The following TRAPPC14 variants were observed in gnomAD, a reference collection of about 807,000 sequenced individuals.
TRAPPC14 encodes microtubule associated protein 11.
TRAPPC14 carries 24 observed loss-of-function variants against 56.6 expected under a neutral mutation model. That is an observed-to-expected ratio of 0.42 (90% CI 0.31 to 0.60). TRAPPC14 has a LOEUF of 0.60. TRAPPC14 is among the 20% of genes least tolerant of loss of function. The probability of loss-of-function intolerance (pLI) is 0.14; values close to 1 mark genes in which losing one functional copy is unlikely to be tolerated. For missense variants in TRAPPC14, 615 were observed against 790.3 expected (o/e 0.78, Z 2.66); for synonymous variants, 377 against 347.0 (o/e 1.09, Z -0.96).
rs373416018 is a variant in TRAPPC14 at position 100,155,388 on chromosome 7, C to G, written c.1463G>C (p.Arg488Pro). 3 of 1,547,662 alleles carry G rather than the reference C, an allele frequency of 1.9e-6. No individual in the cohort carries two copies. Among genetic ancestry groups the G allele is most frequent in the Admixed American group, 2.0e-5 (1 of 50,574 alleles). ...GGGGCTGCTCTTGCGGGAGAGGGGC[C>G]GGGCCTCGGGTGGAGGGTGGGACAC... ...ASVSHPPPEA[R>P]PLSRKSSPSS... Residue 488 changes from arginine to proline, a missense_variant, in exon 10 of 11, where the codon CGG becomes CCG. Arg to Pro is a moderately radical substitution (Grantham distance 103). Coordinates refer to ENST00000316937, the MANE Select transcript of TRAPPC14 (RefSeq NM_018275.5).
chr7:100,157,682 T>C lies in TRAPPC14; in HGVS notation c.588A>G (p.Arg196=), dbSNP rs543058510. 6.8e-6 allele frequency: 11 copies of C among 1,614,204 alleles called. No homozygotes were observed. The South Asian group carries it at 1.2e-4, about 18-fold the overall frequency. Residue 196 remains arginine, a synonymous_variant, in exon 3 of 11, where the codon CGA becomes CGG. Transcript: ENST00000316937. ...CGCCCCGGAATGTCTCCCCAGGAGA[T>C]CGGGTCTGCAGCAATCGCAGGTAGC... The part of the protein sequence containing the change: ...DQGYLRLLQT[R]SPGETFRGEQ...
In TRAPPC14 at chr7:100,154,983, T is replaced by C. The variant is rs773544892; in HGVS notation, c.*28A>G. The C allele has an allele frequency of 1.9e-6, 3 of 1,612,154 alleles. No individual in the cohort carries two copies. Among genetic ancestry groups the C allele is most frequent in the Admixed American group, 3.3e-5 (2 of 59,914 alleles). ...CTCTGGGGGCGTTGGGTCTCTGGAG[T>C]GTAAGAGGGAACAGAGCTGGCACGG... On this transcript the variant is annotated 3_prime_UTR_variant, in exon 11 of 11. Coordinates refer to ENST00000316937, the MANE Select transcript of TRAPPC14 (RefSeq NM_018275.5).
Position 100,158,375 on chromosome 7 carries a change from TC to T in TRAPPC14, c.124del (p.Glu42ArgfsTer130), listed in dbSNP as rs1310552302. ...CAACACCAGCAGAAAACGGACAGTC[TC>T]CCCCAAGTACAGATGGTTGCGCCGG... The part of the protein sequence containing the change: ...LPRRNHLYLG[E>X]TVRFLLVLRC... On this transcript the variant is annotated frameshift_variant, in exon 1 of 11. Coordinates refer to ENST00000316937, the MANE Select transcript of TRAPPC14 (RefSeq NM_018275.5). LOFTEE classifies it high-confidence loss of function. The T allele has an allele frequency of 6.7e-7, 1 of 1,491,098 alleles. No homozygotes were observed. Among genetic ancestry groups the T allele is most frequent in the Middle Eastern group, 1.7e-4 (1 of 5,832 alleles). The allele number at this position is 1,491,098 out of a possible 1,614,324, so 92.4% of individuals were successfully genotyped here. A position where few individuals can be genotyped will look rare whatever the true frequency, so the allele number is the denominator to read the frequency against.
rs1798858143 is a variant in TRAPPC14 at position 100,155,447 on chromosome 7, C to T, written c.1404G>A (p.Gln468=). 1 of 1,519,166 alleles carries T rather than the reference C, an allele frequency of 6.6e-7. No homozygotes were observed. Among genetic ancestry groups the T allele is most frequent in the Admixed American group, 2.1e-5 (1 of 47,030 alleles). The allele number at this position is 1,519,166 out of a possible 1,614,324, so 94.1% of individuals were successfully genotyped here. ...ALRTGLFELS[Q]HMKLKLQFTA... is the part of the protein sequence containing the mutation. ...TGAACTGCAGCTTCAGTTTCATGTG[C>T]TGGCTTAGCTGGGGGGAGACACAGG... is the stretch of plus-strand genomic sequence containing the variant. Residue 468 remains glutamine, a synonymous_variant, in exon 10 of 11, where the codon CAG becomes CAA. Transcript: ENST00000316937.
chr7:100,157,611 G>GCC (rs1484237500), intron 3 of TRAPPC14, 22 bp downstream of exon 3: 17 of 1,613,464 alleles, frequency 1.1e-5, no homozygotes, highest in Non-Finnish European at 1.4e-5. Context: ...CTAGCCCTTT[G>GCC]CCTCTGCGCT....
rs764017345 is a variant in TRAPPC14, at chr7:100,155,014, C to A, written c.1740G>T (p.Lys580Asn). ...ECKVLVVEPV[K>N] ...AGGGAACAGAGCTGGCACGGTGCTA[C>A]TTGACGGGTTCCACCACCAGGACCT... Residue 580 changes from lysine to asparagine, a missense_variant, in exon 11 of 11, where the codon AAG (lysine) becomes AAT (asparagine). Lys to Asn is a moderately conservative substitution (Grantham distance 94, BLOSUM62 0). Coordinates refer to ENST00000316937, the MANE Select transcript of TRAPPC14 (RefSeq NM_018275.5). 1.2e-6 allele frequency: 2 copies of A among 1,614,012 alleles called. No individual in the cohort carries two copies. Among genetic ancestry groups the A allele is most frequent in the Non-Finnish European group, 1.7e-6 (2 of 1,179,988 alleles).
chr7:100,156,185 T>C, intron 8 of TRAPPC14: 1 of 615,846 alleles, frequency 1.6e-6, no homozygotes, highest in Non-Finnish European at 2.9e-6. Context: ...TGAAAGTCAC[T>C]CTGCCCCACT....
At position 100,155,702 on chromosome 7, in the gene TRAPPC14, G is replaced by C. The variant is rs763400660; in HGVS notation, c.1364C>G (p.Ala455Gly). 5.0e-6 allele frequency: 8 copies of C among 1,612,222 alleles called. No individual in the cohort carries two copies. In the Admixed American group the frequency reaches 5.0e-5, roughly 10 times the overall value. Reference protein sequence around the residue: ...RKGSALTFSVAFQALRTGLFE... With the variant: ...RKGSALTFSVGFQALRTGLFE... ...GAGCCCCGTCCTCAGAGCCTGGAAG[G>C]CCACACTGAAGGTGAGCGCGCTGCC... is the stretch of plus-strand genomic sequence containing the variant. The change falls in exon 9 of 11, where the codon GCC becomes GGC. Residue 455 changes from alanine (A) to glycine (G), a missense_variant. Ala to Gly is a moderately conservative substitution (Grantham distance 60, BLOSUM62 0). Coordinates refer to ENST00000316937, the MANE Select transcript of TRAPPC14 (RefSeq NM_018275.5).
Position 100,154,751 on chromosome 7 carries a change from A to C in TRAPPC14, c.*260T>G, listed in dbSNP as rs1295966497. 1 of 552,428 alleles carries C rather than the reference A, an allele frequency of 1.8e-6. No homozygotes were observed. The highest frequency in any genetic ancestry group is 3.2e-5 in the East Asian group (1 of 31,168). 34.2% of individuals were successfully genotyped at this position (552,428 alleles called of 1,614,324 possible). On this transcript the variant is annotated 3_prime_UTR_variant, in exon 11 of 11. Transcript: ENST00000316937. Reference sequence around the variant, plus strand: ...GGGCCGGGGACAAGGGAGCTCTGGGAACCCTTGCCCTGGCCTAGGGGTGGG... The same window carrying C: ...GGGCCGGGGACAAGGGAGCTCTGGGCACCCTTGCCCTGGCCTAGGGGTGGG...
Position 100,157,624 on chromosome 7 carries a change from C to T in TRAPPC14, c.637+9G>A, listed in dbSNP as rs373516572. 1.9e-6 allele frequency: 3 copies of T among 1,614,086 alleles called. No individual in the cohort carries two copies. The highest frequency in any genetic ancestry group is 1.1e-5 in the South Asian group (1 of 91,086). The stretch of plus-strand genomic sequence containing the variant: ...CTCTAGCCCTTTGCCTCTGCGCTGC[C>T]CTGCCCACCTTGGGCCTTGAAAGCG... On this transcript the variant is annotated intron_variant, in intron 3 of 10. Transcript: ENST00000316937.
intron 7 of TRAPPC14, 41 bp from the exon 8 acceptor site, chr7:100,156,590 G>A: frequency 6.2e-7 from 1 of 1,612,158 alleles, no homozygotes; most frequent in Non-Finnish European, 8.5e-7. Flanking sequence ...TGTGTGTCAG[G>A]CCACAAAGGC....
chr7:100,154,904 C>T lies in TRAPPC14; in HGVS notation c.*107G>A, dbSNP rs1798841136. The T allele has an allele frequency of 9.8e-6, 11 of 1,122,640 alleles. No homozygotes were observed. In the Admixed American group the frequency reaches 1.3e-4, roughly 13 times the overall value. 69.5% of individuals were successfully genotyped at this position (1,122,640 alleles called of 1,614,324 possible). A position where few individuals can be genotyped will look rare whatever the true frequency, so the allele number is the denominator to read the frequency against. ...GACAGGCAGCTCTGCCAGGCCTCTT[C>T]ACCCCCGTCTGGGAGGCATCCCAGG... On this transcript the variant is annotated 3_prime_UTR_variant, in exon 11 of 11. Transcript: ENST00000316937.
In TRAPPC14 at chr7:100,154,830, G is replaced by A. The variant is rs1415767721; in HGVS notation, c.*181C>T. The A allele has an allele frequency of 3.1e-6, 2 of 642,594 alleles. No homozygotes were observed. The highest frequency in any genetic ancestry group is 1.8e-5 in the African/African-American group (1 of 54,782). 39.8% of individuals were successfully genotyped at this position (642,594 alleles called of 1,614,324 possible). On this transcript the variant is annotated 3_prime_UTR_variant, in exon 11 of 11. Transcript: ENST00000316937. ...ATACTGGTGGCTTAGTCCCAGCCATGCCCGCCCACTTCACAGCTTCTTCCC... is the reference window on the plus strand; with the variant it reads ...ATACTGGTGGCTTAGTCCCAGCCATACCCGCCCACTTCACAGCTTCTTCCC...
At chr7:100,156,228 G>A (rs1471351625) in intron 8 of TRAPPC14, 158 bp downstream of exon 8, 1 of 685,792 alleles carries the variant, frequency 1.5e-6, no homozygotes, top group South Asian at 1.8e-5. Context: ...GGACACTGGG[G>A]AGACCACCCA....
At position 100,158,109 on chromosome 7, in the gene TRAPPC14, T is replaced by A; in HGVS notation, c.391A>T (p.Thr131Ser). 6.7e-7 allele frequency: 1 copy of A among 1,495,336 alleles called. No individual in the cohort carries two copies. The highest frequency in any genetic ancestry group is 8.9e-7 in the Non-Finnish European group (1 of 1,125,126). The allele number at this position is 1,495,336 out of a possible 1,614,324, so 92.6% of individuals were successfully genotyped here. ...PLLTHGPGPA[T>S]SGGATTLPVE... The stretch of plus-strand genomic sequence containing the variant: ...CTCACCGTGGTCGCTCCCCCTGAGG[T>A]AGCAGGGCCCGGGCCGTGGGTGAGA... The change falls in exon 1 of 11, where the codon ACC (threonine) becomes TCC (serine). Residue 131 changes from threonine (T) to serine (S), a missense_variant. Thr to Ser is a moderately conservative substitution (Grantham distance 58, BLOSUM62 1). Coordinates refer to ENST00000316937, the MANE Select transcript of TRAPPC14 (RefSeq NM_018275.5).
chr7:100,156,991 G>A lies in TRAPPC14; in HGVS notation c.847C>T (p.His283Tyr). 2 of 1,614,004 alleles carry A rather than the reference G, an allele frequency of 1.2e-6. No individual in the cohort carries two copies. Among genetic ancestry groups the A allele is most frequent in the South Asian group, 1.1e-5 (1 of 91,076 alleles). Residue 283 changes from histidine to tyrosine, a missense_variant and splice_region_variant, in exon 6 of 11, where the codon CAC becomes TAC. Physicochemically the swap from His to Tyr is moderately conservative, Grantham distance 83 (BLOSUM62 2). Coordinates refer to ENST00000316937, the MANE Select transcript of TRAPPC14 (RefSeq NM_018275.5). ...GSVLLVDNVC[H>Y]QSGEVSMGSF... ...CCCATGGAGACTTCCCCAGACTGGT[G>A]ACTAGCTCAGAAAAGAGGACAAGGC...
Position 100,155,119 on chromosome 7 carries a change from G to A in TRAPPC14, c.1635C>T (p.Ala545=). Residue 545 remains alanine (A), a synonymous_variant, in exon 11 of 11, where the codon GCC becomes GCT. Coordinates refer to ENST00000316937, the MANE Select transcript of TRAPPC14 (RefSeq NM_018275.5). ...GGTAGAGGGGGCGGCCAACAGGAGA[G>A]GCCACAGGGGGCGTGATGGCTCTGC... ...MERRAITPPV[A]SPVGRPLYLP... is the part of the protein sequence containing the mutation. 4 of 1,613,664 alleles carry A rather than the reference G, an allele frequency of 2.5e-6. No homozygotes were observed. Among genetic ancestry groups the A allele is most frequent in the Non-Finnish European group, 3.4e-6 (4 of 1,179,774 alleles).
At chr7:100,155,606 C>A (rs1253526115) in intron 9 of TRAPPC14, 65 bp downstream of exon 9, 18 of 1,524,940 alleles carry the variant, frequency 1.2e-5, no homozygotes, top group Admixed American at 2.2e-5. Flanking sequence ...ATCTAAGGGT[C>A]CTGCCTCCGT....
Position 100,158,507 on chromosome 7 carries a change from C to T in TRAPPC14, c.-8G>A. ...GTCGCACTGGGACTCCATGGGGCGG[C>T]GAGGACGGCGCGACTGGGAGCCCGG... is the stretch of plus-strand genomic sequence containing the variant. On this transcript the variant is annotated 5_prime_UTR_variant, in exon 1 of 11. Transcript: ENST00000316937. The T allele has an allele frequency of 1.5e-6, 2 of 1,313,530 alleles. No homozygotes were observed. Among genetic ancestry groups the T allele is most frequent in the South Asian group, 2.2e-5 (1 of 46,372 alleles). 81.4% of individuals were successfully genotyped at this position (1,313,530 alleles called of 1,614,324 possible). A position where few individuals can be genotyped will look rare whatever the true frequency, so the allele number is the denominator to read the frequency against.
Sources: allele counts gnomAD v4.1 joint callset, GRCh38; gene constraint gnomAD v4.1.1; transcripts MANE v1.5; gene names NCBI Gene and HGNC (gene_info 2026-07-23, HGNC 2026-07-21).